The following CIT variants were observed in gnomAD, a reference collection of about 807,000 sequenced individuals.
The protein encoded by CIT is citron Rho-interacting kinase.
CIT carries 79 observed loss-of-function variants against 272.7 expected under a neutral mutation model. That is an observed-to-expected ratio of 0.29 (90% CI 0.24 to 0.35). The LOEUF (loss-of-function observed/expected upper bound fraction) is 0.35, where lower values mean the gene tolerates loss of function less well. CIT is among the 10% of genes least tolerant of loss of function. The probability of loss-of-function intolerance (pLI) is 1.00; values close to 1 mark genes in which losing one functional copy is unlikely to be tolerated. For missense variants in CIT, 1,909 were observed against 2,618.3 expected, an observed-to-expected ratio of 0.73 and a Z score of 5.91; for synonymous variants, 948 against 995.6, an observed-to-expected ratio of 0.95 and a Z score of 0.90.
chr12:119,830,935 C>A (rs750559994), intron 7 of CIT, among the ~76,000 whole-genome samples: 2 of 152,174 alleles, frequency 1.3e-5, no homozygotes, highest in Non-Finnish European at 2.9e-5. Context: ...GGTGCAAACA[C>A]GGTCATTGCA....
Position 119,728,385 on chromosome 12 carries a change from ACT to A in CIT, c.3591+115_3591+116del, listed in dbSNP as rs569038804. On this transcript the variant is annotated intron_variant, in intron 28 of 47. Coordinates refer to ENST00000392521, the MANE Select transcript of CIT (RefSeq NM_001206999.2). The surrounding 1 kb of genome is among the most constrained non-coding windows in gnomAD (Gnocchi z 4.3). ...AGGAGGAGACAGGGAGTATGTGGGA[ACT>A]CTCTGTGCTTTCTGCTCAATTTTGC... is the stretch of plus-strand genomic sequence containing the variant. 83 of 675,268 alleles carry A rather than the reference ACT, an allele frequency of 1.2e-4. No individual in the cohort carries two copies. In the East Asian group the frequency reaches 2.0e-3, roughly 16 times the overall value. The allele number at this position is 675,268 out of a possible 1,614,324, so 41.8% of individuals were successfully genotyped here.
rs183232097 is a variant in CIT, at chr12:119,728,308, G to A, written c.3591+194C>T. ...ATGTGTCAGTGCAGGCCCATTGATTGTAACAAATGGACACTCTGGTACAGG... is the reference window on the plus strand; with the variant it reads ...ATGTGTCAGTGCAGGCCCATTGATTATAACAAATGGACACTCTGGTACAGG... On this transcript the variant is annotated intron_variant, in intron 28 of 47. Coordinates refer to ENST00000392521, the MANE Select transcript of CIT (RefSeq NM_001206999.2). This position sits in a 1 kb window ranked among gnomAD's most constrained non-coding sequence, Gnocchi z 4.3. 3.9e-5 allele frequency among the ~76,000 whole-genome samples: 6 copies of A among 152,328 alleles called. No individual in the cohort carries two copies.
chr12:119,710,125 G>T lies in CIT; in HGVS notation c.5071+126C>A. ...TTAGCTGAGGCTTGGGCATCTATGG[G>T]GACACAGAGATAAGAGCTACAACGG... On this transcript the variant is annotated intron_variant, in intron 39 of 47. Transcript: ENST00000392521. The surrounding 1 kb of genome is among the most constrained non-coding windows in gnomAD (Gnocchi z 5.6). 1.9e-6 allele frequency: 2 copies of T among 1,050,622 alleles called. No individual in the cohort carries two copies. The highest frequency in any genetic ancestry group is 2.4e-5 in the East Asian group (1 of 42,116). 65.1% of individuals were successfully genotyped at this position (1,050,622 alleles called of 1,614,324 possible).
intron 3 of CIT, among the ~76,000 whole-genome samples, chr12:119,859,683 C>T (rs953434162): frequency 1.3e-5 from 2 of 151,890 alleles, no homozygotes; most frequent in Non-Finnish European, 2.9e-5. Context: ...TGCACACAAG[C>T]GGCCGCTTTT....
chr12:119,769,193 CTGGTCT>C (rs1962807893), intron 18 of CIT, among the ~76,000 whole-genome samples: 2 of 151,342 alleles, frequency 1.3e-5, no homozygotes, highest in South Asian at 4.1e-4. Context: ...GACCAAATTT[CTGGTCT>C]ATTTGTGAAT....
chr12:119,789,576 G>A (rs1402830764), intron 10 of CIT, among the ~76,000 whole-genome samples: 1 of 152,050 alleles, frequency 6.6e-6, no homozygotes, highest in African/African-American at 2.4e-5. Flanking sequence ...GTAGACATGG[G>A]GAAATTCAAT....
intron 28 of CIT, among the ~76,000 whole-genome samples, chr12:119,724,930 C>CAAAA (rs35757526): frequency 1.3e-4 from 6 of 44,554 alleles, no homozygotes; most frequent in Non-Finnish European, 1.7e-4. Context: ...GACTCCATCT[C>CAAAA]AAAAAAAAAA....
intron 3 of CIT, among the ~76,000 whole-genome samples, chr12:119,861,709 A>C (rs1339356853): frequency 6.6e-6 from 1 of 152,220 alleles, no homozygotes; most frequent in East Asian, 1.9e-4. Context: ...TTTTTGGAAC[A>C]CAGTAATCCA....
intron 23 of CIT, among the ~76,000 whole-genome samples, chr12:119,747,738 A>C (rs920887055): frequency 5.3e-5 from 8 of 152,076 alleles, no homozygotes; most frequent in African/African-American, 1.7e-4. Context: ...AACAAACAAA[A>C]AAATTAAGAC....
In CIT at chr12:119,718,461, C is replaced by G; in HGVS notation, c.4004-52G>C. On this transcript the variant is annotated intron_variant, in intron 31 of 47. Coordinates refer to ENST00000392521, the MANE Select transcript of CIT (RefSeq NM_001206999.2). The surrounding 1 kb of genome is among the most constrained non-coding windows in gnomAD (Gnocchi z 4.8). ...TTGGTTAGCTGGGTCGCCTAGAGGACCAAACTAAGCCGAATGTCCCTGGGC... is the reference window on the plus strand; with the variant it reads ...TTGGTTAGCTGGGTCGCCTAGAGGAGCAAACTAAGCCGAATGTCCCTGGGC... The G allele has an allele frequency of 1.3e-6, 2 of 1,555,638 alleles. No homozygotes were observed. Among genetic ancestry groups the G allele is most frequent in the Non-Finnish European group, 8.7e-7 (1 of 1,148,464 alleles).
chr12:119,876,213 C>G, intron 1 of CIT, 32 bp from the exon 2 acceptor site: 2 of 1,443,334 alleles, frequency 1.4e-6, no homozygotes, highest in Non-Finnish European at 1.9e-6. Context: ...CAAGTGTGTC[C>G]TATGTTTTGA....
At position 119,690,095 on chromosome 12, in the gene CIT, C is replaced by T. The variant is rs943382879; in HGVS notation, c.6186+56G>A. 6 of 1,410,336 alleles carry T rather than the reference C, an allele frequency of 4.3e-6. No individual in the cohort carries two copies. The highest frequency in any genetic ancestry group is 6.0e-5 in the Admixed American group (2 of 33,258). 87.4% of individuals were successfully genotyped at this position (1,410,336 alleles called of 1,614,324 possible). A position where few individuals can be genotyped will look rare whatever the true frequency, so the allele number is the denominator to read the frequency against. On this transcript the variant is annotated intron_variant, in intron 47 of 47. Coordinates refer to ENST00000392521, the MANE Select transcript of CIT (RefSeq NM_001206999.2). This position sits in a 1 kb window ranked among gnomAD's most constrained non-coding sequence, Gnocchi z 6.0. ...AGTGGCCCCGTGGGGGCCTCAGTTC[C>T]CCAAGTCACTCCTGGCCTCCGCAAC...
At position 119,718,851 on chromosome 12, in the gene CIT, C is replaced by T. The variant is rs1200082917; in HGVS notation, c.3851G>A (p.Ser1284Asn). Residue 1284 changes from serine to asparagine, a missense_variant, in exon 31 of 48, where the codon AGT (serine) becomes AAT (asparagine). Physicochemically the swap from Ser to Asn is conservative, Grantham distance 46. Transcript: ENST00000392521. This position sits in a 1 kb window ranked among gnomAD's most constrained non-coding sequence, Gnocchi z 4.8. ...TAAAGCAGGGTCCTCTTTCCGTCGA[C>T]TAAATAAACCCTAGCAATGGAAACA... is the stretch of plus-strand genomic sequence containing the variant. Reference protein sequence around the residue: ...QPAKKKKGLFSRRKEDPALPT... With the variant: ...QPAKKKKGLFNRRKEDPALPT... 6.2e-7 allele frequency: 1 copy of T among 1,613,956 alleles called. No individual in the cohort carries two copies. The highest frequency in any genetic ancestry group is 8.5e-7 in the Non-Finnish European group (1 of 1,180,012).
rs562391169 is a variant in CIT, at chr12:119,698,685, C to T, written c.5624-631G>A. 7.9e-5 allele frequency among the ~76,000 whole-genome samples: 12 copies of T among 152,152 alleles called. No homozygotes were observed. In the South Asian group the frequency reaches 2.5e-3, roughly 32 times the overall value. ...CTCTTTGTACAGATATGAAAGAATG[C>T]CCAAGGTACACTGCTCAGTGCAAAA... On this transcript the variant is annotated intron_variant, in intron 44 of 47. Coordinates refer to ENST00000392521, the MANE Select transcript of CIT (RefSeq NM_001206999.2).
At chr12:119,705,607 TA>T (rs1269448142) in intron 40 of CIT, among the ~76,000 whole-genome samples, 1 of 151,974 alleles carries the variant, frequency 6.6e-6, no homozygotes, top group Non-Finnish European at 1.5e-5. Flanking sequence ...ATTTCTAATT[TA>T]AAAAACTAAT....
intron 40 of CIT, among the ~76,000 whole-genome samples, chr12:119,706,476 C>T (rs1227979624): frequency 6.6e-6 from 1 of 151,788 alleles, no homozygotes; most frequent in Admixed American, 6.6e-5. Flanking sequence ...TGTGTGTGTT[C>T]CCCTCTATGT....
intron 41 of CIT, among the ~76,000 whole-genome samples, chr12:119,702,507 G>A (rs1956648795): frequency 6.6e-6 from 1 of 152,040 alleles, no homozygotes. Flanking sequence ...CCAACATGGT[G>A]AAACCCCGTC....
Position 119,735,939 on chromosome 12 carries a change from C to A in CIT, c.2959-582G>T, listed in dbSNP as rs1047539150. Among the ~76,000 whole-genome samples the A allele has an allele frequency of 2.0e-5, 3 of 152,192 alleles. No individual in the cohort carries two copies. The South Asian group carries it at 6.2e-4, about 32-fold the overall frequency. ...AGAAAAACCCTGAAAATACAATACA[C>A]TGTACTATGGCATGACTTTAATGGA... is the stretch of plus-strand genomic sequence containing the variant. On this transcript the variant is annotated intron_variant, in intron 24 of 47. Coordinates refer to ENST00000392521, the MANE Select transcript of CIT (RefSeq NM_001206999.2).
chr12:119,872,620 T>C (rs1240760198), intron 2 of CIT, among the ~76,000 whole-genome samples: 2 of 152,206 alleles, frequency 1.3e-5, no homozygotes, highest in East Asian at 3.8e-4. Context: ...AAATACAAGA[T>C]ATACTTAATA....
Sources: allele counts gnomAD v4.1 joint callset (sites outside exome capture counted in the v4.1 genomes callset), GRCh38; gene constraint gnomAD v4.1.1; non-coding constraint Gnocchi (gnomAD v3.1); transcripts MANE v1.5; gene names NCBI Gene and HGNC (gene_info 2026-07-23, HGNC 2026-07-21).